CHD8: variants seen among roughly 807,000 people sequenced by gnomAD.
CHD8 encodes ATP-dependent chromatin remodeler CHD8.
A neutral mutation model predicts 279.2 loss-of-function variants in CHD8; 31 were observed. The observed-to-expected ratio is 0.11, with a 90% CI of 0.08 to 0.15. The LOEUF (loss-of-function observed/expected upper bound fraction) is 0.15. Ranked by LOEUF, CHD8 falls within the 10% of genes least tolerant of loss-of-function variation. CHD8 has a pLI of 1.00. For synonymous variants in CHD8, 1,081 were observed against 1,139.6 expected (o/e 0.95, Z 1.04); for missense variants, 2,146 against 3,230.5 (o/e 0.66, Z 8.14).
chr14:21,439,945 A>C (rs1889914015), intron 1 of CHD8, among the ~76,000 whole-genome samples: 3 of 152,228 alleles, frequency 2.0e-5, no homozygotes, highest in Admixed American at 2.0e-4. Flanking sequence ...AATGCTTCTT[A>C]TTACTTCAAT....
At chr14:21,454,555 T>A (rs1286803441) in intron 1 of CHD8, among the ~76,000 whole-genome samples, 1 of 152,164 alleles carries the variant, frequency 6.6e-6, no homozygotes, top group African/African-American at 2.4e-5. Flanking sequence ...CTCGAACTCC[T>A]GACTTCAAGT....
In CHD8 at chr14:21,394,975, C is replaced by T. The variant is rs1887714118; in HGVS notation, c.5327G>A (p.Arg1776Gln). 6.2e-7 allele frequency: 1 copy of T among 1,614,022 alleles called. No homozygotes were observed. Among genetic ancestry groups the T allele is most frequent in the East Asian group, 2.2e-5 (1 of 44,882 alleles). ...KIEAAERGDRRRRRCEAAFKL... is the reference protein window; with the variant it reads ...KIEAAERGDRQRRRCEAAFKL... The stretch of plus-strand genomic sequence containing the variant: ...GAAGGCTGCTTCACAACGCCGCCTT[C>T]GCCGGTCCCCACGTTCTGCAGCCTC... The change falls in exon 30 of 38, where the codon CGA (arginine) becomes CAA (glutamine). Residue 1776 changes from arginine to glutamine, a missense_variant. Around this residue, in one of 26 missense-constraint regions of CHD8, gnomAD observed 513 missense variants for 637.6 expected, o/e 0.80. Coordinates refer to ENST00000646647, the MANE Select transcript of CHD8 (RefSeq NM_001170629.2).
chr14:21,455,641 C>T (rs1417750855), intron 1 of CHD8, among the ~76,000 whole-genome samples: 1 of 152,216 alleles, frequency 6.6e-6, no homozygotes, highest in Non-Finnish European at 1.5e-5. Context: ...ACCCTAACCA[C>T]CTATTTCTGA....
intron 9 of CHD8, among the ~76,000 whole-genome samples, chr14:21,413,395 C>CTTTT (rs577919700): frequency 7.1e-6 from 1 of 141,296 alleles, no homozygotes; most frequent in South Asian, 2.3e-4. Flanking sequence ...ATACCTAAAC[C>CTTTT]TTTTTTTTTT....
rs552352589 is a variant in CHD8 at position 21,396,100 on chromosome 14, G to A, written c.5052-208C>T. ...TAGCCTCAACCTCCTGGACTCAAGC[G>A]ATCCTCCTCCCTCAGCCTCCTGAGT... On this transcript the variant is annotated intron_variant, in intron 27 of 37. Transcript: ENST00000646647. Among the ~76,000 whole-genome samples, 4 of 152,144 alleles carry A rather than the reference G, an allele frequency of 2.6e-5. No homozygotes were observed. In the East Asian group the frequency reaches 5.8e-4, roughly 22 times the overall value.
At chr14:21,390,869 A>T in intron 37 of CHD8, 78 bp downstream of exon 37, 1 of 733,604 alleles carries the variant, frequency 1.4e-6, no homozygotes, top group South Asian at 1.6e-5. Flanking sequence ...AAATAACATT[A>T]GTCACAATCA....
intron 2 of CHD8, 128 bp downstream of exon 2, chr14:21,430,673 A>G: frequency 3.1e-6 from 2 of 636,624 alleles, no homozygotes; most frequent in South Asian, 4.0e-5. Flanking sequence ...TGTCACACTA[A>G]CTGATAAAAA....
intron 37 of CHD8, among the ~76,000 whole-genome samples, chr14:21,387,343 G>A (rs1227470548): frequency 2.0e-5 from 3 of 150,204 alleles, no homozygotes; most frequent in Non-Finnish European, 4.4e-5. Flanking sequence ...AAAATTAGCC[G>A]GGAGTCAGCC....
intron 30 of CHD8, 84 bp from the exon 31 acceptor site, chr14:21,394,569 T>TC: frequency 3.4e-6 from 2 of 589,822 alleles, no homozygotes; most frequent in Non-Finnish European, 4.7e-6. Flanking sequence ...TAATGTGTTT[T>TC]AGAATATCTG....
chr14:21,406,835 A>C (rs376938018), intron 14 of CHD8, 21 bp downstream of exon 14: 10 of 1,594,932 alleles, frequency 6.3e-6, no homozygotes, highest in Non-Finnish European at 8.5e-6. Context: ...GTTTCTGCTC[A>C]CAAGTCAGTG....
chr14:21,428,613 G>A (rs1889430819), intron 3 of CHD8, among the ~76,000 whole-genome samples: 1 of 151,152 alleles, frequency 6.6e-6, no homozygotes, highest in South Asian at 2.1e-4. Flanking sequence ...GCCTGGGCGG[G>A]GAGAGGGGAG....
intron 29 of CHD8, 29 bp from the exon 30 acceptor site, chr14:21,395,148 A>G: frequency 6.2e-7 from 1 of 1,601,114 alleles, no homozygotes; most frequent in South Asian, 1.1e-5. Context: ...AATGAATAGG[A>G]AGTATAGCAA....
At chr14:21,406,251 T>C (rs1017553462) in intron 14 of CHD8, among the ~76,000 whole-genome samples, 1 of 152,224 alleles carries the variant, frequency 6.6e-6, no homozygotes, top group African/African-American at 2.4e-5. Flanking sequence ...TTGCTGCTGT[T>C]CCTCCTAACA....
intron 3 of CHD8, 143 bp from the exon 4 acceptor site, chr14:21,428,397 C>T (rs1594376259): frequency 2.7e-6 from 2 of 741,488 alleles, no homozygotes; most frequent in Non-Finnish European, 4.3e-6. Context: ...TGAACCTACA[C>T]CTACTTTTTA....
chr14:21,453,138 G>A (rs1317419048), intron 1 of CHD8, among the ~76,000 whole-genome samples: 4 of 151,664 alleles, frequency 2.6e-5, no homozygotes, highest in South Asian at 2.1e-4. Flanking sequence ...GCAAGACCCC[G>A]TCTCTTAAGA....
At chr14:21,429,404 A>G (rs1224182762) in intron 2 of CHD8, 69 bp from the exon 3 acceptor site, 2 of 1,473,284 alleles carry the variant, frequency 1.4e-6, no homozygotes, top group African/African-American at 1.4e-5. Context: ...TATTTACACC[A>G]GTTTTCTTCA....
intron 26 of CHD8, chr14:21,399,013 T>C: frequency 2.5e-6 from 1 of 408,030 alleles, no homozygotes; most frequent in Non-Finnish European, 4.9e-6. Flanking sequence ...AAAGCCAAGA[T>C]CCACGACAAG....
At position 21,429,344 on chromosome 14, in the gene CHD8, A is replaced by G; in HGVS notation, c.844-9T>C. On this transcript the variant is annotated splice_polypyrimidine_tract_variant and intron_variant, in intron 2 of 37. Coordinates refer to ENST00000646647, the MANE Select transcript of CHD8 (RefSeq NM_001170629.2). ...ATGCGTTTCGATTCACCCTAAAGTGAAGAAAGGAAATTGCAAGAGTACAAC... is the reference window on the plus strand; with the variant it reads ...ATGCGTTTCGATTCACCCTAAAGTGGAGAAAGGAAATTGCAAGAGTACAAC... The G allele has an allele frequency of 6.2e-7, 1 of 1,602,384 alleles. No homozygotes were observed. Among genetic ancestry groups the G allele is most frequent in the Non-Finnish European group, 8.5e-7 (1 of 1,171,450 alleles).
chr14:21,396,383 T>A (rs1341667799), intron 27 of CHD8, among the ~76,000 whole-genome samples: 1 of 151,706 alleles, frequency 6.6e-6, no homozygotes, highest in Non-Finnish European at 1.5e-5. Flanking sequence ...CTCAGCTCAC[T>A]GCAACCTGTG....
Sources: gnomAD v4.1 joint callset for allele counts (sites outside exome capture counted in the v4.1 genomes callset) on GRCh38, gnomAD v4.1.1 for gene constraint, gnomAD v4.1.1 regional missense constraint, MANE v1.5 for transcripts, NCBI Gene and HGNC (gene_info 2026-07-23, HGNC 2026-07-21) for gene names.